TMTC2: variants seen among roughly 807,000 people sequenced by gnomAD.
TMTC2 encodes the protein transmembrane O-mannosyltransferase targeting cadherins 2, also known as protein O-mannosyl-transferase TMTC2.
TMTC2 carries 43 observed loss-of-function variants against 82.4 expected under a neutral mutation model. The ratio of observed to expected loss-of-function variants is 0.52; its 90% CI spans 0.41 to 0.67. TMTC2 has a LOEUF of 0.67. Ranked by LOEUF, TMTC2 falls within the 30% of genes least tolerant of loss-of-function variation. The pLI is 0.00. For missense variants in TMTC2, 919 were observed against 1,012.4 expected, an observed-to-expected ratio of 0.91 and a Z score of 1.25; for synonymous variants, 408 against 381.9, an observed-to-expected ratio of 1.07 and a Z score of -0.80.
At chr12:82,860,160 G>T (rs1227880611) in intron 2 of TMTC2, among the ~76,000 whole-genome samples, 1 of 141,904 alleles carries the variant, frequency 7.0e-6, no homozygotes, top group Non-Finnish European at 1.5e-5. Flanking sequence ...TTTTAGTAGA[G>T]GCCAGGTTTC....
At chr12:82,959,035 A>G (rs1233645067) in intron 4 of TMTC2, among the ~76,000 whole-genome samples, 1 of 152,162 alleles carries the variant, frequency 6.6e-6, no homozygotes, top group Admixed American at 6.6e-5. Context: ...CATGAATAAT[A>G]TTCAAGCTGA....
intron 11 of TMTC2, among the ~76,000 whole-genome samples, chr12:83,094,576 C>T (rs1002652736): frequency 2.6e-5 from 4 of 152,028 alleles, no homozygotes; most frequent in Non-Finnish European, 4.4e-5. Flanking sequence ...TTTGTGGACA[C>T]GGGTTGGGCG....
chr12:82,953,938 A>G (rs1297216400), intron 4 of TMTC2, among the ~76,000 whole-genome samples: 1 of 152,206 alleles, frequency 6.6e-6, no homozygotes, highest in Non-Finnish European at 1.5e-5. Flanking sequence ...AAATGAACAT[A>G]CTTCTTAAAT....
intron 4 of TMTC2, among the ~76,000 whole-genome samples, chr12:82,961,613 C>T (rs991955375): frequency 6.6e-6 from 1 of 151,976 alleles, no homozygotes; most frequent in African/African-American, 2.4e-5. Flanking sequence ...TTCTCTGAGC[C>T]TCTCTTTTTC....
At chr12:83,040,268 A>C (rs534389482) in intron 9 of TMTC2, among the ~76,000 whole-genome samples, 1 of 152,244 alleles carries the variant, frequency 6.6e-6, no homozygotes, top group African/African-American at 2.4e-5. Context: ...ATATGCTCTT[A>C]CTAAATGTGA....
At chr12:83,128,686 G>A (rs1338363137) in intron 11 of TMTC2, among the ~76,000 whole-genome samples, 1 of 152,122 alleles carries the variant, frequency 6.6e-6, no homozygotes, top group Non-Finnish European at 1.5e-5. Flanking sequence ...GGCAGGGCCT[G>A]AAATTCTGCA....
intron 1 of TMTC2, among the ~76,000 whole-genome samples, chr12:82,689,053 G>C (rs1328803276): frequency 1.4e-4 from 21 of 152,176 alleles, no homozygotes; most frequent in Admixed American, 1.4e-3. Context: ...TAACTTTTAC[G>C]CAGCATACTG....
At chr12:82,797,009 ATAAGAC>A (rs1187058329) in intron 1 of TMTC2, among the ~76,000 whole-genome samples, 1 of 152,204 alleles carries the variant, frequency 6.6e-6, no homozygotes, top group African/African-American at 2.4e-5. Context: ...TTTGTATAAT[ATAAGAC>A]TAAATGTTGG....
At chr12:83,101,670 G>A (rs538916743) in intron 11 of TMTC2, among the ~76,000 whole-genome samples, 192 of 152,288 alleles carry the variant, frequency 1.3e-3, no homozygotes, top group Non-Finnish European at 1.9e-3. Flanking sequence ...GTTTGGGACC[G>A]AGCAGTACTG....
chr12:82,751,619 TG>T (rs1261979529), intron 1 of TMTC2, among the ~76,000 whole-genome samples: 2 of 152,114 alleles, frequency 1.3e-5, no homozygotes, highest in African/African-American at 4.8e-5. Flanking sequence ...TGTCACTTAA[TG>T]GGAAAGGTTT....
chr12:83,088,081 CAGCTT>C (rs1272919667), intron 11 of TMTC2, among the ~76,000 whole-genome samples: 2 of 152,232 alleles, frequency 1.3e-5, no homozygotes, highest in African/African-American at 4.8e-5. Context: ...TAACTTGCTG[CAGCTT>C]CTGTACCAGC....
chr12:82,914,263 A>G (rs1313940111), intron 3 of TMTC2, among the ~76,000 whole-genome samples: 1 of 152,194 alleles, frequency 6.6e-6, no homozygotes, highest in Non-Finnish European at 1.5e-5. Context: ...AGCACATGTA[A>G]ATATTTTTCT....
At chr12:82,829,332 T>A (rs1426667966) in intron 1 of TMTC2, among the ~76,000 whole-genome samples, 1 of 152,230 alleles carries the variant, frequency 6.6e-6, no homozygotes, top group Non-Finnish European at 1.5e-5. Flanking sequence ...TCGAAATCAG[T>A]TGTCCTTACC....
At chr12:82,827,220 G>C (rs1869465538) in intron 1 of TMTC2, among the ~76,000 whole-genome samples, 1 of 152,148 alleles carries the variant, frequency 6.6e-6, no homozygotes, top group Non-Finnish European at 1.5e-5. Context: ...TAGTAAGCTG[G>C]TTTTGTTTTG....
At chr12:82,849,969 C>T (rs887593302) in intron 1 of TMTC2, among the ~76,000 whole-genome samples, 1 of 152,008 alleles carries the variant, frequency 6.6e-6, no homozygotes, top group Non-Finnish European at 1.5e-5. Context: ...ATAGTTGGTA[C>T]CATATTGACT....
chr12:82,829,381 C>T (rs893515712), intron 1 of TMTC2, among the ~76,000 whole-genome samples: 3 of 152,188 alleles, frequency 2.0e-5, no homozygotes, highest in African/African-American at 7.2e-5. Context: ...TCTTTTCTTA[C>T]ACAGCTTGTG....
chr12:82,755,558 A>G (rs570287351), intron 1 of TMTC2, among the ~76,000 whole-genome samples: 10 of 152,364 alleles, frequency 6.6e-5, no homozygotes, highest in African/African-American at 2.4e-4. Context: ...AATAATAAGC[A>G]AGATCACCGG....
chr12:83,046,736 G>A (rs1565867896), intron 9 of TMTC2, among the ~76,000 whole-genome samples: 1 of 152,230 alleles, frequency 6.6e-6, no homozygotes, highest in South Asian at 2.1e-4. Context: ...ACTTCTGCTA[G>A]CAGCGATTCA....
chr12:82,865,689 C>T (rs1871809942), intron 2 of TMTC2, among the ~76,000 whole-genome samples: 1 of 152,254 alleles, frequency 6.6e-6, no homozygotes, highest in African/African-American at 2.4e-5. Context: ...ACTCTTCACC[C>T]CAAATCAACA....
Sources: allele counts gnomAD v4.1 joint callset (sites outside exome capture counted in the v4.1 genomes callset), GRCh38; gene constraint gnomAD v4.1.1; transcripts MANE v1.5; gene names NCBI Gene and HGNC (gene_info 2026-07-23, HGNC 2026-07-21).